Variants in DCHS2 observed in about 807,000 individuals in gnomAD.
The protein encoded by DCHS2 is dachsous cadherin-related 2, also known as protocadherin-23.
DCHS2 carries 142 observed loss-of-function variants against 182.4 expected under a neutral mutation model. That is an observed-to-expected ratio of 0.78 (90% CI 0.68 to 0.89). The LOEUF (loss-of-function observed/expected upper bound fraction) is 0.89. Ranked by LOEUF, DCHS2 falls within the 40% of genes least tolerant of loss-of-function variation. DCHS2 has a pLI of 0.00. For synonymous variants in DCHS2, 1,740 were observed against 1,663.3 expected, an observed-to-expected ratio of 1.05 and a Z score of -1.12; for missense variants, 4,319 against 4,198.6, an observed-to-expected ratio of 1.03 and a Z score of -0.79.
chr4:154,323,176 T>C (rs1736143527), intron 7 of DCHS2: 1 of 1,546,520 alleles, frequency 6.5e-7, no homozygotes, highest in African/African-American at 1.4e-5. Flanking sequence ...TGTAGCATAA[T>C]ATGTTCCTCT....
intron 10 of DCHS2, among the ~76,000 whole-genome samples, chr4:154,314,561 G>T (rs572233880): frequency 6.6e-6 from 1 of 152,238 alleles, no homozygotes; most frequent in East Asian, 1.9e-4. Context: ...TTCATTAAAA[G>T]ACAGTGTTTT....
intron 1 of DCHS2, among the ~76,000 whole-genome samples, chr4:154,388,557 C>T (rs570059303): frequency 1.4e-5 from 2 of 142,402 alleles, no homozygotes; most frequent in African/African-American, 2.6e-5. Context: ...TGCAGTGGTG[C>T]GATCTCGGCT....
chr4:154,267,280 C>A (rs1733325741), intron 14 of DCHS2, among the ~76,000 whole-genome samples: 1 of 152,170 alleles, frequency 6.6e-6, no homozygotes, highest in Non-Finnish European at 1.5e-5. Flanking sequence ...CCTTGATAAA[C>A]CAAATGATGC....
intron 3 of DCHS2, among the ~76,000 whole-genome samples, chr4:154,346,977 A>G (rs1279356199): frequency 6.6e-6 from 1 of 151,828 alleles, no homozygotes; most frequent in Non-Finnish European, 1.5e-5. Flanking sequence ...AGGATGATAT[A>G]TTAAAGATAC....
chr4:154,238,516 C>A (rs1731643981), intron 19 of DCHS2, among the ~76,000 whole-genome samples: 1 of 152,064 alleles, frequency 6.6e-6, no homozygotes, highest in Non-Finnish European at 1.5e-5. Context: ...AATTAAATGT[C>A]CACTCACTGT....
intron 2 of DCHS2, among the ~76,000 whole-genome samples, chr4:154,375,313 C>A (rs575996503): frequency 6.6e-6 from 1 of 152,108 alleles, no homozygotes; most frequent in Non-Finnish European, 1.5e-5. Context: ...AGGAAGCAAA[C>A]TGAGAAACTA....
chr4:154,277,718 C>A (rs766653665), intron 13 of DCHS2, among the ~76,000 whole-genome samples: 10 of 151,178 alleles, frequency 6.6e-5, no homozygotes, highest in Non-Finnish European at 8.8e-5. Context: ...AGGTGCTAAC[C>A]TGAAGAAACA....
rs1228544781 is a variant in DCHS2 at position 154,489,554 on chromosome 4, T to A, written c.1802A>T (p.Glu601Val). ...ATCAATGGCAAAAGATGGTCCACAC[T>A]CTGCGGTGTGGACCATCTTTGATTG... ...SLQSKMVHTAECGPSFAIDSE... is the reference protein window; with the variant it reads ...SLQSKMVHTAVCGPSFAIDSE... The change falls in exon 1 of 20, where the codon GAG (glutamate) becomes GTG (valine). Residue 601 changes from glutamate (E) to valine (V), a missense_variant. Physicochemically the swap from Glu to Val is moderately radical, Grantham distance 121 (BLOSUM62 -2). Coordinates refer to ENST00000357232, the MANE Select transcript of DCHS2 (RefSeq NM_001358235.2). 6 of 1,551,100 alleles carry A rather than the reference T, an allele frequency of 3.9e-6. No individual in the cohort carries two copies. In the African/African-American group the frequency reaches 8.2e-5, roughly 21 times the overall value.
intron 1 of DCHS2, among the ~76,000 whole-genome samples, chr4:154,393,154 C>A (rs533946752): frequency 6.6e-6 from 1 of 152,230 alleles, no homozygotes; most frequent in South Asian, 2.1e-4. Context: ...AAGCATACAG[C>A]TATATGATTA....
At chr4:154,360,447 A>T (rs1221112315) in intron 3 of DCHS2, among the ~76,000 whole-genome samples, 1 of 152,084 alleles carries the variant, frequency 6.6e-6, no homozygotes, top group African/African-American at 2.4e-5. Context: ...TTTCCTATGA[A>T]AGTAACGTAC....
In DCHS2 at chr4:154,343,608, A is replaced by G. The variant is rs775366790; in HGVS notation, c.2477-8504T>C. On this transcript the variant is annotated intron_variant, in intron 3 of 19. Coordinates refer to ENST00000357232, the MANE Select transcript of DCHS2 (RefSeq NM_001358235.2). ...CATGAACCAACCTCTGCTAGCTTCA[A>G]ATTTTTTTTCTGCAGCTTCCTCATC... 1.3e-4 allele frequency: 197 copies of G among 1,515,092 alleles called. 2 individuals are homozygous for G. Among genetic ancestry groups the G allele is most frequent in the Middle Eastern group, 1.7e-4 (1 of 5,852 alleles). The allele number at this position is 1,515,092 out of a possible 1,614,324, so 93.9% of individuals were successfully genotyped here. A position where few individuals can be genotyped will look rare whatever the true frequency, so the allele number is the denominator to read the frequency against.
chr4:154,260,403 T>C (rs374650609), intron 14 of DCHS2, among the ~76,000 whole-genome samples: 1 of 152,272 alleles, frequency 6.6e-6, no homozygotes, highest in East Asian at 1.9e-4. Flanking sequence ...TACTGCTGCC[T>C]TCCTTCAAGC....
intron 13 of DCHS2, among the ~76,000 whole-genome samples, chr4:154,289,146 C>G (rs184163095): frequency 3.7e-4 from 56 of 151,870 alleles, no homozygotes; most frequent in African/African-American, 1.3e-3. Flanking sequence ...ATCAATGAAA[C>G]AAAAAATTGG....
At chr4:154,339,201 C>T (rs1003575104) in intron 3 of DCHS2, among the ~76,000 whole-genome samples, 2 of 152,190 alleles carry the variant, frequency 1.3e-5, no homozygotes, top group Non-Finnish European at 2.9e-5. Context: ...GGGCAAGAGA[C>T]TGATGTCTCA....
At chr4:154,372,827 G>A (rs774901789) in intron 2 of DCHS2, among the ~76,000 whole-genome samples, 42 of 152,192 alleles carry the variant, frequency 2.8e-4, no homozygotes, top group Non-Finnish European at 5.4e-4. Context: ...AGTAATATCA[G>A]TAGAGTAGAA....
intron 1 of DCHS2, among the ~76,000 whole-genome samples, chr4:154,460,887 T>A (rs529506496): frequency 6.6e-6 from 1 of 152,290 alleles, no homozygotes; most frequent in South Asian, 2.1e-4. Context: ...GTAAAATATC[T>A]ACAGAACATG....
chr4:154,324,794 A>G (rs72723332), intron 7 of DCHS2, among the ~76,000 whole-genome samples: 18 of 152,310 alleles, frequency 1.2e-4, no homozygotes, highest in Non-Finnish European at 2.5e-4. Flanking sequence ...CAATTATGTA[A>G]CATTTATTAG....
rs200368806 is a variant in DCHS2, at chr4:154,236,707, C to T, written c.7945G>A (p.Ala2649Thr). 27 of 1,613,978 alleles carry T rather than the reference C, an allele frequency of 1.7e-5. No homozygotes were observed. In the East Asian group the frequency reaches 6.0e-4, roughly 36 times the overall value. ...DSGCPPLSST[A>T]VISIQVLDVN... ...TCAAGTACTTGTATTGATATGACAGCTGTGGAACTCAATGGAGGGCAGCCA... is the reference window on the plus strand; with the variant it reads ...TCAAGTACTTGTATTGATATGACAGTTGTGGAACTCAATGGAGGGCAGCCA... The change falls in exon 20 of 20, where the codon GCT becomes ACT. Residue 2649 changes from alanine to threonine, a missense_variant. Coordinates refer to ENST00000357232, the MANE Select transcript of DCHS2 (RefSeq NM_001358235.2).
At chr4:154,316,041 C>T in intron 9 of DCHS2, 54 bp from the exon 10 acceptor site, 1 of 1,596,994 alleles carries the variant, frequency 6.3e-7, no homozygotes, top group Non-Finnish European at 8.5e-7. Context: ...TTAGAGAAGT[C>T]ATGCTTACTC....
Sources: allele counts gnomAD v4.1 joint callset (sites outside exome capture counted in the v4.1 genomes callset), GRCh38; gene constraint gnomAD v4.1.1; transcripts MANE v1.5; gene names NCBI Gene and HGNC (gene_info 2026-07-23, HGNC 2026-07-21).